CLEC12A: variants seen among roughly 807,000 people sequenced by gnomAD.
The protein encoded by CLEC12A is C-type lectin protein CLL-1.
In CLEC12A, 22 loss-of-function variants were observed where a neutral mutation model predicts 26.5. The ratio of observed to expected loss-of-function variants is 0.83; its 90% CI spans 0.59 to 1.19. CLEC12A has a LOEUF of 1.19. CLEC12A is among the 50% of genes most tolerant of loss of function. The pLI, the probability that CLEC12A is intolerant of heterozygous loss-of-function variation, is 0.00. For synonymous variants in CLEC12A, 119 were observed against 101.9 expected (o/e 1.17, Z -1.01); for missense variants, 353 against 315.6 (o/e 1.12, Z -0.90).
At chr12:9,975,552 G>A (rs977533046) in intron 1 of CLEC12A, among the ~76,000 whole-genome samples, 1 of 152,182 alleles carries the variant, frequency 6.6e-6, no homozygotes, top group African/African-American at 2.4e-5. Flanking sequence ...CATTAAAGAC[G>A]TGACTCGGGT....
intron 1 of CLEC12A, among the ~76,000 whole-genome samples, chr12:9,959,306 G>A (rs578216994): frequency 6.6e-6 from 1 of 152,154 alleles, no homozygotes; most frequent in East Asian, 1.9e-4. Flanking sequence ...CAAAAAATTA[G>A]CTGGGCGTGG....
intron 4 of CLEC12A, among the ~76,000 whole-genome samples, chr12:9,981,349 A>G (rs902616400): frequency 6.6e-6 from 1 of 152,160 alleles, no homozygotes; most frequent in East Asian, 1.9e-4. Flanking sequence ...CACTTATTAC[A>G]TAGCATTTTT....
chr12:9,978,277 TG>T (rs1478970959), intron 1 of CLEC12A, among the ~76,000 whole-genome samples: 3 of 99,624 alleles, frequency 3.0e-5, no homozygotes, highest in Non-Finnish European at 4.2e-5. Context: ...TTATAATTCC[TG>T]TTTTTTTTTT....
At chr12:9,961,742 TA>T (rs887827281) in intron 1 of CLEC12A, among the ~76,000 whole-genome samples, 9 of 150,520 alleles carry the variant, frequency 6.0e-5, no homozygotes, top group East Asian at 1.9e-4. Context: ...TGAGACAACC[TA>T]AAAAAAAAGA....
chr12:9,951,364 T>G (rs1039870011), intron 1 of CLEC12A: 2 of 702,850 alleles, frequency 2.8e-6, no homozygotes, highest in Non-Finnish European at 5.2e-6. Flanking sequence ...TAGGTGAGTG[T>G]CTTTTGTGGA....
rs747031327 is a variant in CLEC12A, at chr12:9,982,058, G to C, written c.570G>C (p.Trp190Cys). 2 of 1,597,058 alleles carry C rather than the reference G, an allele frequency of 1.3e-6. No homozygotes were observed. Among genetic ancestry groups the C allele is most frequent in the Admixed American group, 3.3e-5 (2 of 59,772 alleles). Reference protein sequence around the residue: ...IKSQSRSYDYWLGLSPEEDST... With the variant: ...IKSQSRSYDYCLGLSPEEDST... ...CCCAGAGTAGATCATATGACTATTGGCTGGGATTATCTCCTGAAGAAGATT... is the reference window on the plus strand; with the variant it reads ...CCCAGAGTAGATCATATGACTATTGCCTGGGATTATCTCCTGAAGAAGATT... The change falls in exon 5 of 6, where the codon TGG (tryptophan) becomes TGC (cysteine). Residue 190 changes from tryptophan to cysteine, a missense_variant. Trp to Cys is a radical substitution (Grantham distance 215). Transcript: ENST00000304361.
In CLEC12A at chr12:9,985,369, A is replaced by C. The variant is rs760750821; in HGVS notation, c.*343A>C. ...TTTGCCAGAGGCAACATCAAAAACC[A>C]GCAAATTTTAATTTTGTCCCACAGC... On this transcript the variant is annotated 3_prime_UTR_variant, in exon 6 of 6. Transcript: ENST00000304361. 2.8e-4 allele frequency: 113 copies of C among 400,032 alleles called. No homozygotes were observed. The highest frequency in any genetic ancestry group is 4.5e-4 in the Non-Finnish European group (102 of 227,558). 24.8% of individuals were successfully genotyped at this position (400,032 alleles called of 1,614,324 possible).
chr12:9,986,414 TC>T (rs34237394), downstream of CLEC12A, among the ~76,000 whole-genome samples: 64,360 of 117,430 alleles, frequency 0.55, 16,518 homozygotes, highest in South Asian at 0.68. Context: ...AATTCCTTTA[TC>T]CCCCCCCCCC....
the CLEC12A span, among the ~76,000 whole-genome samples, chr12:10,001,273 T>C: frequency 6.6e-6 from 1 of 152,222 alleles, no homozygotes; most frequent in Admixed American, 6.5e-5. Context: ...CCACCAGGAA[T>C]GTGCCAGGAT....
chr12:9,996,547 C>A (rs1454432530), downstream of CLEC12A, among the ~76,000 whole-genome samples: 1 of 152,096 alleles, frequency 6.6e-6, no homozygotes, highest in Non-Finnish European at 1.5e-5. Flanking sequence ...GTTAGAACAA[C>A]AGAGGACACA....
At chr12:9,981,485 C>T (rs186649291) in intron 4 of CLEC12A, among the ~76,000 whole-genome samples, 3 of 152,268 alleles carry the variant, frequency 2.0e-5, no homozygotes, top group Admixed American at 2.0e-4. Context: ...ACAATCTCTT[C>T]CTCATCAGAT....
At chr12:9,971,048 G>A (rs1458645518), upstream of CLEC12A, among the ~76,000 whole-genome samples, 2 of 152,148 alleles carry the variant, frequency 1.3e-5, no homozygotes, top group East Asian at 1.9e-4. Context: ...AGTGCTCTCT[G>A]TATGTTCAGT....
chr12:9,956,503 G>C (rs1863743054), intron 1 of CLEC12A, among the ~76,000 whole-genome samples: 1 of 152,098 alleles, frequency 6.6e-6, no homozygotes, highest in Admixed American at 6.5e-5. Context: ...GTTGTTTTGG[G>C]ACCTCAAGAA....
chr12:9,971,013 CACTA>C (rs1188831040), upstream of CLEC12A, among the ~76,000 whole-genome samples: 1 of 152,156 alleles, frequency 6.6e-6, no homozygotes, highest in African/African-American at 2.4e-5. Flanking sequence ...AACGGAATGA[CACTA>C]ACTGTCTCAT....
downstream of CLEC12A, among the ~76,000 whole-genome samples, chr12:9,998,803 G>C (rs758318086): frequency 1.3e-5 from 2 of 152,116 alleles, no homozygotes; most frequent in South Asian, 4.2e-4. Flanking sequence ...CTATGCCCTC[G>C]AGTATTAAAC....
chr12:9,959,928 A>G (rs1168706978), intron 1 of CLEC12A, among the ~76,000 whole-genome samples: 1 of 152,202 alleles, frequency 6.6e-6, no homozygotes, highest in Admixed American at 6.5e-5. Flanking sequence ...TCATACATGA[A>G]ACAATTAGGG....
intron 4 of CLEC12A, chr12:9,992,391 A>C (rs1270213395): frequency 6.6e-6 from 1 of 152,118 alleles, no homozygotes; most frequent in Non-Finnish European, 1.5e-5. Context: ...CTATTTGCGT[A>C]ATGTTTTAAT....
chr12:9,952,335 A>G (rs1213950170), intron 1 of CLEC12A, among the ~76,000 whole-genome samples: 30 of 147,136 alleles, frequency 2.0e-4, no homozygotes, highest in South Asian at 4.5e-4. Flanking sequence ...GCAGGCACGC[A>G]CCACCACGCC....
At chr12:9,993,039 G>T in intron 4 of CLEC12A, 1 of 1,023,808 alleles carries the variant, frequency 9.8e-7, no homozygotes, top group Non-Finnish European at 1.4e-6. Flanking sequence ...ACTCCAGTGA[G>T]AAGAAAGGGA....
Sources: gnomAD v4.1 joint callset for allele counts (sites outside exome capture counted in the v4.1 genomes callset) on GRCh38, gnomAD v4.1.1 for gene constraint, MANE v1.5 for transcripts, NCBI Gene and HGNC (gene_info 2026-07-23, HGNC 2026-07-21) for gene names.